CCDC144A: variants seen among roughly 807,000 people sequenced by gnomAD.
CCDC144A encodes the protein coiled-coil domain-containing protein 144A.
CCDC144A carries 41 observed loss-of-function variants against 143.8 expected under a neutral mutation model. The observed-to-expected ratio is 0.29, with a 90% confidence interval of 0.22 to 0.37. The LOEUF (loss-of-function observed/expected upper bound fraction) is 0.37, where lower values mean the gene tolerates loss of function less well. CCDC144A is among the 10% of genes least tolerant of loss of function. CCDC144A has a pLI of 1.00. For missense variants in CCDC144A, 637 were observed against 1,488.8 expected, an observed-to-expected ratio of 0.43 and a Z score of 9.41; for synonymous variants, 242 against 517.9, an observed-to-expected ratio of 0.47 and a Z score of 7.23.
chr17:16,720,274 A>C, intron 7 of CCDC144A, 43 bp downstream of exon 7: 1 of 1,519,376 alleles, frequency 6.6e-7, no homozygotes, highest in Non-Finnish European at 8.8e-7. Flanking sequence ...GTTTTTAAAA[A>C]ACAAGTTCTA....
the CCDC144A span, among the ~76,000 whole-genome samples, chr17:16,682,902 T>G: frequency 0.03 from 3,532 of 119,634 alleles, 339 homozygotes; most frequent in African/African-American, 0.11. Context: ...TTTTTTTTTT[T>G]TTTTTTTTTT....
intron 12 of CCDC144A, among the ~76,000 whole-genome samples, chr17:16,739,702 A>T (rs1351438779): frequency 6.6e-6 from 1 of 152,096 alleles, no homozygotes. Context: ...CCTTGTTGAA[A>T]ATCAGTTGAC....
At chr17:16,668,484 A>G in the CCDC144A span, among the ~76,000 whole-genome samples, 2 of 152,348 alleles carry the variant, frequency 1.3e-5, no homozygotes, top group Non-Finnish European at 1.5e-5. Flanking sequence ...TCAATGATAT[A>G]TTGTGTAGAG....
upstream of CCDC144A, among the ~76,000 whole-genome samples, chr17:16,688,486 T>TTG (rs1491031239): frequency 1.6e-4 from 2 of 12,560 alleles, no homozygotes; most frequent in East Asian, 6.8e-3. Context: ...CTTTTTCTGT[T>TTG]TTTTTTTTTT....
intron 9 of CCDC144A, among the ~76,000 whole-genome samples, chr17:16,728,333 C>G (rs1422186609): frequency 6.6e-6 from 1 of 152,186 alleles, no homozygotes; most frequent in Non-Finnish European, 1.5e-5. Context: ...AGCCGTCATG[C>G]CCAGCCCAGA....
chr17:16,713,879 A>G (rs940919219), intron 6 of CCDC144A, among the ~76,000 whole-genome samples: 2 of 152,194 alleles, frequency 1.3e-5, no homozygotes, highest in Admixed American at 1.3e-4. Context: ...AGAGTGGTAT[A>G]TACTCATGGA....
chr17:16,678,403 A>G, the CCDC144A span, among the ~76,000 whole-genome samples: 11 of 152,172 alleles, frequency 7.2e-5, no homozygotes, highest in South Asian at 2.3e-3. Flanking sequence ...AGGCAGTTAG[A>G]GTTGTGAGAT....
intron 12 of CCDC144A, among the ~76,000 whole-genome samples, chr17:16,754,212 G>T (rs1470594848): frequency 6.6e-6 from 1 of 152,004 alleles, no homozygotes; most frequent in Non-Finnish European, 1.5e-5. Context: ...CTTTTTTCTT[G>T]TTTAATGTAG....
intron 4 of CCDC144A, among the ~76,000 whole-genome samples, chr17:16,707,909 G>A (rs1304547612): frequency 6.6e-6 from 1 of 152,140 alleles, no homozygotes; most frequent in Non-Finnish European, 1.5e-5. Flanking sequence ...TGGATTCATG[G>A]TATAAGAGTA....
intron 6 of CCDC144A, among the ~76,000 whole-genome samples, chr17:16,715,892 T>C (rs148939820): frequency 0.056 from 8,488 of 152,290 alleles, 369 homozygotes; most frequent in East Asian, 0.17. Context: ...TTGTGTTTAA[T>C]TGGCTGTCTT....
rs1384754878 is a variant in CCDC144A, at chr17:16,776,882, C to T, written c.*3249C>T. Reference sequence around the variant, plus strand: ...CAATGCTAATGTTGAACGTAAATGGCCTAAATGCTCCACTTAAAAGATATA... The same window carrying T: ...CAATGCTAATGTTGAACGTAAATGGTCTAAATGCTCCACTTAAAAGATATA... On this transcript the variant is annotated 3_prime_UTR_variant, in exon 17 of 17. Transcript: ENST00000399273. The T allele has an allele frequency of 2.0e-5, 3 of 151,456 alleles. No individual in the cohort carries two copies. Among genetic ancestry groups the T allele is most frequent in the African/African-American group, 4.9e-5 (2 of 41,100 alleles). 9.4% of individuals were successfully genotyped at this position (151,456 alleles called of 1,614,324 possible).
intron 9 of CCDC144A, among the ~76,000 whole-genome samples, chr17:16,729,023 C>G (rs1236195433): frequency 6.6e-6 from 1 of 152,090 alleles, no homozygotes; most frequent in African/African-American, 2.4e-5. Context: ...CGTATCTTCG[C>G]AATTGTGAAA....
intron 9 of CCDC144A, among the ~76,000 whole-genome samples, chr17:16,729,989 T>TATATATATATATATAC (rs1567597673): frequency 7.4e-5 from 9 of 121,156 alleles, no homozygotes; most frequent in African/African-American, 2.7e-4. Flanking sequence ...TATATATATA[T>TATATATATATATATAC]ATACACACAT....
chr17:16,765,179 A>G (rs1915542542), intron 15 of CCDC144A: 2 of 117,236 alleles, frequency 1.7e-5, no homozygotes, highest in Non-Finnish European at 3.4e-5. Flanking sequence ...TAGTTCAACT[A>G]TGCTTGACCC....
intron 12 of CCDC144A, among the ~76,000 whole-genome samples, chr17:16,758,627 A>G (rs1330115431): frequency 1.3e-5 from 2 of 152,236 alleles, no homozygotes; most frequent in African/African-American, 2.4e-5. Context: ...TTTGGACTTC[A>G]TGGGAACCAT....
chr17:16,676,396 A>C, the CCDC144A span, among the ~76,000 whole-genome samples: 1 of 151,646 alleles, frequency 6.6e-6, no homozygotes. Context: ...CTGTAGTCCC[A>C]GCTACTCGGG....
At chr17:16,674,521 T>C in the CCDC144A span, among the ~76,000 whole-genome samples, 2 of 139,818 alleles carry the variant, frequency 1.4e-5, no homozygotes, top group Non-Finnish European at 1.5e-5. Context: ...GCCTGGGTGA[T>C]AGAGCAAAAC....
intron 11 of CCDC144A, 135 bp from the exon 12 acceptor site, chr17:16,734,555 G>A (rs1913904757): frequency 1.6e-6 from 1 of 606,788 alleles, no homozygotes; most frequent in African/African-American, 1.9e-5. Flanking sequence ...GAGGTTTGAA[G>A]TTTCGATAGA....
the CCDC144A span, among the ~76,000 whole-genome samples, chr17:16,679,742 C>T: frequency 6.6e-6 from 1 of 152,032 alleles, no homozygotes; most frequent in Non-Finnish European, 1.5e-5. Flanking sequence ...TAATCTATGT[C>T]CCTATAGAAT....
Sources: gnomAD v4.1 joint callset for allele counts (sites outside exome capture counted in the v4.1 genomes callset) on GRCh38, gnomAD v4.1.1 for gene constraint, MANE v1.5 for transcripts, NCBI Gene and HGNC (gene_info 2026-07-23, HGNC 2026-07-21) for gene names.